The following PLCB4 variants were observed in gnomAD, a reference collection of about 807,000 sequenced individuals.
PLCB4 encodes 1-phosphatidylinositol 4,5-bisphosphate phosphodiesterase beta-4.
In PLCB4, 77 loss-of-function variants were observed where a neutral mutation model predicts 178.8. The observed-to-expected ratio is 0.43, with a 90% CI of 0.36 to 0.52. The LOEUF is 0.52. PLCB4 is among the 20% of genes least tolerant of loss of function. The probability of loss-of-function intolerance (pLI) is 0.00; values close to 1 mark genes in which losing one functional copy is unlikely to be tolerated. For synonymous variants in PLCB4, 496 were observed against 490.8 expected (o/e 1.01, Z -0.14); for missense variants, 1,024 against 1,453.4 (o/e 0.70, Z 4.80).
intron 30 of PLCB4, among the ~76,000 whole-genome samples, chr20:9,442,390 T>C (rs2042162222): frequency 6.6e-6 from 1 of 151,054 alleles, no homozygotes; most frequent in South Asian, 2.1e-4. Flanking sequence ...TTTTTTTTTT[T>C]CTAACTAAAT....
intron 4 of PLCB4, among the ~76,000 whole-genome samples, chr20:9,322,539 C>T (rs2094973344): frequency 6.6e-6 from 1 of 152,182 alleles, no homozygotes; most frequent in Non-Finnish European, 1.5e-5. Context: ...CCAGGTCCAG[C>T]CTGCATTCCC....
chr20:9,087,923 T>C (rs1301352142), intron 1 of PLCB4, among the ~76,000 whole-genome samples: 2 of 152,200 alleles, frequency 1.3e-5, no homozygotes, highest in African/African-American at 4.8e-5. Context: ...CTTTTCAGGA[T>C]CATTCAAACA....
At chr20:9,462,231 G>T (rs1194195776) in intron 35 of PLCB4, among the ~76,000 whole-genome samples, 1 of 152,050 alleles carries the variant, frequency 6.6e-6, no homozygotes, top group Non-Finnish European at 1.5e-5. Flanking sequence ...TCAACAAAAA[G>T]TTCATCTACA....
intron 2 of PLCB4, among the ~76,000 whole-genome samples, chr20:9,129,183 T>C (rs1012538557): frequency 4.6e-5 from 7 of 152,176 alleles, no homozygotes; most frequent in Non-Finnish European, 8.8e-5. Flanking sequence ...AGCATTTTTA[T>C]GCCCAATTTC....
Position 9,444,044 on chromosome 20 carries a change from A to C in PLCB4, c.2814+14A>C, listed in dbSNP as rs779811910. 1.3e-6 allele frequency: 2 copies of C among 1,585,218 alleles called. No homozygotes were observed. The highest frequency in any genetic ancestry group is 8.6e-7 in the Non-Finnish European group (1 of 1,156,908). ...AAGCAGATGAAGGTAAAATTGCTTG[A>C]CTATTTTGCAAGCACTCTTGTATTA... On this transcript the variant is annotated intron_variant, in intron 31 of 39. Coordinates refer to ENST00000378473, the MANE Select transcript of PLCB4 (RefSeq NM_001377142.1).
At chr20:9,301,872 A>T (rs2094708686) in intron 3 of PLCB4, among the ~76,000 whole-genome samples, 1 of 152,054 alleles carries the variant, frequency 6.6e-6, no homozygotes, top group South Asian at 2.1e-4. Flanking sequence ...CAGTTGCACA[A>T]GGATTTAGAA....
At chr20:9,246,556 A>G (rs1288766909) in intron 3 of PLCB4, among the ~76,000 whole-genome samples, 1 of 152,034 alleles carries the variant, frequency 6.6e-6, no homozygotes, top group African/African-American at 2.4e-5. Flanking sequence ...CAATTGTCAT[A>G]TAGCACTTTT....
intron 7 of PLCB4, among the ~76,000 whole-genome samples, chr20:9,354,844 A>G (rs556987382): frequency 8.5e-5 from 13 of 152,330 alleles, no homozygotes; most frequent in Admixed American, 3.9e-4. Context: ...TCTGTGGTTC[A>G]CAAATGCCCC....
Position 9,365,460 on chromosome 20 carries a change from G to C in PLCB4, c.450-1G>C. The C allele has an allele frequency of 6.2e-7, 1 of 1,601,542 alleles. No individual in the cohort carries two copies. Among genetic ancestry groups the C allele is most frequent in the Non-Finnish European group, 8.6e-7 (1 of 1,168,942 alleles). The stretch of plus-strand genomic sequence containing the variant: ...GCAATGTTATTGCTATTGTTTTGCA[G>C]CTGGATGAAATTGGCATTTATGACC... On this transcript the variant is annotated splice_acceptor_variant, in intron 8 of 39. Coordinates refer to ENST00000378473, the MANE Select transcript of PLCB4 (RefSeq NM_001377142.1). LOFTEE classifies it high-confidence loss of function.
Position 9,437,081 on chromosome 20 carries a change from C to A in PLCB4, c.2693C>A (p.Thr898Asn). 6.2e-6 allele frequency: 10 copies of A among 1,613,864 alleles called. No homozygotes were observed. Among genetic ancestry groups the A allele is most frequent in the East Asian group, 2.2e-5 (1 of 44,866 alleles). ...GKANTAKANV[T>N]PQSSSELRPT... ...GCCAACACCGCCAAAGCAAATGTGA[C>A]CCCTCAGAGTAGCTCTGAGCTCAGA... Residue 898 changes from threonine to asparagine, a missense_variant, in exon 30 of 40, where the codon ACC becomes AAC. By Grantham distance (65) the Thr-to-Asn change is moderately conservative. Transcript: ENST00000378473.
chr20:9,244,818 T>C (rs2094107684), intron 3 of PLCB4, among the ~76,000 whole-genome samples: 1 of 152,220 alleles, frequency 6.6e-6, no homozygotes, highest in South Asian at 2.1e-4. Flanking sequence ...TGGTTGTTAT[T>C]TTTCTTTTAT....
chr20:9,320,882 G>A (rs2147958111), intron 4 of PLCB4, among the ~76,000 whole-genome samples: 2 of 152,210 alleles, frequency 1.3e-5, no homozygotes, highest in South Asian at 4.2e-4. Context: ...AACTCTGGGG[G>A]GAGGGTCCAG....
intron 4 of PLCB4, among the ~76,000 whole-genome samples, chr20:9,331,973 AG>A (rs1389675163): frequency 6.6e-6 from 1 of 152,188 alleles, no homozygotes; most frequent in Non-Finnish European, 1.5e-5. Flanking sequence ...GTCCCTTTCT[AG>A]CCTTGCTCTC....
intron 33 of PLCB4, 139 bp from the exon 34 acceptor site, chr20:9,457,275 A>G (rs2043112508): frequency 1.6e-6 from 1 of 632,324 alleles, no homozygotes; most frequent in Non-Finnish European, 2.9e-6. Flanking sequence ...ATTACTAGAA[A>G]GACCAGTGTT....
At position 9,365,474 on chromosome 20, in the gene PLCB4, G is replaced by A; in HGVS notation, c.463G>A (p.Ala155Thr). ...TCLKKHWMKL[A>T]FMTNTNGKIP... ...ATTGTTTTGCAGCTGGATGAAATTG[G>A]CATTTATGACCAACACAAATGGTAA... Residue 155 changes from alanine to threonine, a missense_variant, in exon 9 of 40, where the codon GCA (alanine) becomes ACA (threonine). Around this residue, in one of 7 missense-constraint regions of PLCB4, gnomAD observed 225 missense variants for 291.0 expected, o/e 0.77. Transcript: ENST00000378473. 1.9e-6 allele frequency: 3 copies of A among 1,606,916 alleles called. No individual in the cohort carries two copies. The highest frequency in any genetic ancestry group is 2.6e-6 in the Non-Finnish European group (3 of 1,173,880).
Position 9,099,922 on chromosome 20 carries a change from G to A in PLCB4, c.-79+3580G>A, listed in dbSNP as rs1600396981. Among the ~76,000 whole-genome samples the A allele has an allele frequency of 5.3e-5, 8 of 152,272 alleles. 1 individual carries two copies. On this transcript the variant is annotated intron_variant, in intron 2 of 39. Coordinates refer to ENST00000378473, the MANE Select transcript of PLCB4 (RefSeq NM_001377142.1). ...ACAGTAGACATTTATCCCCATTTGG[G>A]CTACCTGGTATCTGAATCCTTTTCC...
At chr20:9,285,032 A>C (rs572548433) in intron 3 of PLCB4, among the ~76,000 whole-genome samples, 2 of 152,064 alleles carry the variant, frequency 1.3e-5, no homozygotes, top group South Asian at 2.1e-4. Context: ...ATGATAAAAC[A>C]TCCTGCATGA....
intron 12 of PLCB4, among the ~76,000 whole-genome samples, chr20:9,376,477 T>A (rs922620389): frequency 6.6e-5 from 10 of 152,150 alleles, no homozygotes; most frequent in African/African-American, 2.4e-4. Flanking sequence ...CTATGTCTCT[T>A]AGTCTCATCC....
chr20:9,286,063 G>A (rs1213519018), intron 3 of PLCB4, among the ~76,000 whole-genome samples: 1 of 151,934 alleles, frequency 6.6e-6, no homozygotes, highest in Non-Finnish European at 1.5e-5. Flanking sequence ...TCTTAAAATT[G>A]GTTCTTTTCA....
Sources: gnomAD v4.1 joint callset for allele counts (sites outside exome capture counted in the v4.1 genomes callset) on GRCh38, gnomAD v4.1.1 for gene constraint, gnomAD v4.1.1 regional missense constraint, MANE v1.5 for transcripts, NCBI Gene and HGNC (gene_info 2026-07-23, HGNC 2026-07-21) for gene names.